Variants in FHDC1 observed in about 807,000 individuals in gnomAD.
FHDC1 encodes the protein FH2 domain-containing protein 1.
Under a neutral mutation model 52.6 loss-of-function variants are expected in FHDC1, and 25 were observed. That is an observed-to-expected ratio of 0.48 (90% CI 0.35 to 0.66). The LOEUF (loss-of-function observed/expected upper bound fraction) is 0.66. Ranked by LOEUF, FHDC1 falls within the 30% of genes least tolerant of loss-of-function variation. The probability of loss-of-function intolerance (pLI) is 0.01; values close to 1 mark genes in which losing one functional copy is unlikely to be tolerated. For synonymous variants in FHDC1, 616 were observed against 581.5 expected, an observed-to-expected ratio of 1.06 and a Z score of -0.85; for missense variants, 1,459 against 1,452.8, an observed-to-expected ratio of 1.00 and a Z score of -0.07.
chr4:152,920,240 C>G, the FHDC1 span, among the ~76,000 whole-genome samples: 2 of 151,980 alleles, frequency 1.3e-5, no homozygotes, highest in Admixed American at 6.6e-5. Context: ...AGCCACTGCA[C>G]CTGGCCTGGG....
Position 152,976,940 on chromosome 4 carries a change from T to G in FHDC1, c.*217T>G. 2.2e-6 allele frequency: 1 copy of G among 462,124 alleles called. No individual in the cohort carries two copies. Among genetic ancestry groups the G allele is most frequent in the East Asian group, 3.4e-5 (1 of 28,988 alleles). The allele number at this position is 462,124 out of a possible 1,614,324, so 28.6% of individuals were successfully genotyped here. On this transcript the variant is annotated 3_prime_UTR_variant, in exon 12 of 12. Coordinates refer to ENST00000511601, the MANE Select transcript of FHDC1 (RefSeq NM_001371116.1). Reference sequence around the variant, plus strand: ...AGTCCAGCGTCCAGATGGATGCACGTTCACTACTGTGACGGCCGCACCTCC... The same window carrying G: ...AGTCCAGCGTCCAGATGGATGCACGGTCACTACTGTGACGGCCGCACCTCC...
rs761723036 is a variant in FHDC1 at position 152,975,019 on chromosome 4, C to G, written c.1728C>G (p.Pro576=). 6.2e-6 allele frequency: 10 copies of G among 1,612,662 alleles called. No homozygotes were observed. The Admixed American group carries it at 1.7e-4, about 27-fold the overall frequency. Residue 576 remains proline (P), a synonymous_variant, in exon 12 of 12, where the codon CCC becomes CCG. Coordinates refer to ENST00000511601, the MANE Select transcript of FHDC1 (RefSeq NM_001371116.1). ...NKFHSLPRSS[P]RQARPTIACL... ...TCCACAGCCTGCCCCGGAGCAGCCC[C>G]CGGCAGGCCCGGCCCACGATAGCCT...
At chr4:152,943,637 G>T (rs904513577) in intron 2 of FHDC1, 82 bp downstream of exon 2, 4 of 1,448,226 alleles carry the variant, frequency 2.8e-6, no homozygotes, top group Non-Finnish European at 2.8e-6. Flanking sequence ...TCAAATAATT[G>T]CTAGACACCC....
At chr4:152,974,144 A>G (rs1461845088) in intron 11 of FHDC1, among the ~76,000 whole-genome samples, 2 of 152,238 alleles carry the variant, frequency 1.3e-5, no homozygotes. Flanking sequence ...AGAATGTGCT[A>G]CACATGAATG....
chr4:152,924,430 A>G, the FHDC1 span, among the ~76,000 whole-genome samples: 1 of 152,176 alleles, frequency 6.6e-6, no homozygotes. Context: ...AACTAGTTCA[A>G]CCCTTGTGGA....
At chr4:152,942,555 T>A (rs1739603358) in intron 1 of FHDC1, among the ~76,000 whole-genome samples, 1 of 152,204 alleles carries the variant, frequency 6.6e-6, no homozygotes, top group African/African-American at 2.4e-5. Flanking sequence ...CTCCAGCAGT[T>A]TGGGCAGTTT....
chr4:152,962,712 C>A, intron 6 of FHDC1, 102 bp from the exon 7 acceptor site: 1 of 884,644 alleles, frequency 1.1e-6, no homozygotes, highest in Non-Finnish European at 1.9e-6. Flanking sequence ...TTTAAGGTCA[C>A]AGTTTGCTTC....
At position 152,943,411 on chromosome 4, in the gene FHDC1, C is replaced by T. The variant is rs1211739876; in HGVS notation, c.354C>T (p.Thr118=). ...EQVRGKTNIW[T]LAARQEHHYQ... is the part of the protein sequence containing the mutation. Reference sequence around the variant, plus strand: ...TTCGAGGCAAAACCAACATCTGGACCTTGGCAGCCAGGCAGGAACATCACT... The same window carrying T: ...TTCGAGGCAAAACCAACATCTGGACTTTGGCAGCCAGGCAGGAACATCACT... Residue 118 remains threonine, a synonymous_variant, in exon 2 of 12, where the codon ACC becomes ACT. Transcript: ENST00000511601. 6 of 1,614,008 alleles carry T rather than the reference C, an allele frequency of 3.7e-6. No individual in the cohort carries two copies. In the Admixed American group the frequency reaches 6.7e-5, roughly 18 times the overall value.
rs914028639 is a variant in FHDC1, at chr4:152,975,759, A to C, written c.2468A>C (p.Asn823Thr). ...ATGGGGGACAGCCAAGTCTCCTCCA[A>C]CCCTACATCCAGCCCCCCTGGGGAG... ...GEMGDSQVSS[N>T]PTSSPPGEAP... The change falls in exon 12 of 12, where the codon AAC becomes ACC. Residue 823 changes from asparagine to threonine, a missense_variant. Coordinates refer to ENST00000511601, the MANE Select transcript of FHDC1 (RefSeq NM_001371116.1). The C allele has an allele frequency of 3.2e-6, 5 of 1,571,474 alleles. 1 individual carries two copies. Among genetic ancestry groups the C allele is most frequent in the Non-Finnish European group, 4.3e-6 (5 of 1,156,772 alleles).
At position 152,972,401 on chromosome 4, in the gene FHDC1, C is replaced by G; in HGVS notation, c.1243C>G (p.Leu415Val). Reference protein sequence around the residue: ...LQFAIEKLRELECWKQELQDE... With the variant: ...LQFAIEKLREVECWKQELQDE... Reference sequence around the variant, plus strand: ...GTTTGCCATAGAAAAGCTGAGGGAACTGGAATGCTGGAAACAAGAGCTCCA... The same window carrying G: ...GTTTGCCATAGAAAAGCTGAGGGAAGTGGAATGCTGGAAACAAGAGCTCCA... The change falls in exon 11 of 12, where the codon CTG becomes GTG. Residue 415 changes from leucine to valine, a missense_variant. Physicochemically the swap from Leu to Val is conservative, Grantham distance 32. Transcript: ENST00000511601. 6.2e-7 allele frequency: 1 copy of G among 1,602,692 alleles called. No homozygotes were observed. The highest frequency in any genetic ancestry group is 8.5e-7 in the Non-Finnish European group (1 of 1,177,264).
chr4:152,933,264 T>C (rs906272773), upstream of FHDC1, among the ~76,000 whole-genome samples: 1 of 152,178 alleles, frequency 6.6e-6, no homozygotes, highest in Non-Finnish European at 1.5e-5. Context: ...TAAAGGCTGG[T>C]TGGCACATTT....
chr4:152,966,966 A>T (rs1273992900), intron 9 of FHDC1, among the ~76,000 whole-genome samples: 1 of 152,112 alleles, frequency 6.6e-6, no homozygotes, highest in African/African-American at 2.4e-5. Context: ...CAAAAAATTT[A>T]AAAATTAGCT....
chr4:152,941,981 T>A (rs1169302442), intron 1 of FHDC1, among the ~76,000 whole-genome samples: 1 of 152,114 alleles, frequency 6.6e-6, no homozygotes, highest in Non-Finnish European at 1.5e-5. Flanking sequence ...AGTTTTGACC[T>A]CTCTTTCACA....
the FHDC1 span, among the ~76,000 whole-genome samples, chr4:152,923,017 G>A: frequency 6.6e-6 from 1 of 152,076 alleles, no homozygotes; most frequent in Admixed American, 6.5e-5. Flanking sequence ...GGGCAATTAG[G>A]CAGGAGAAGG....
chr4:152,975,383 C>T lies in FHDC1; in HGVS notation c.2092C>T (p.Leu698=), dbSNP rs1561216457. 6.2e-7 allele frequency: 1 copy of T among 1,613,716 alleles called. No homozygotes were observed. The highest frequency in any genetic ancestry group is 1.7e-5 in the Admixed American group (1 of 60,036). ...CATGGAGGAGACCTCCCAGCTGACT[C>T]TGAGTGACTTCAGCCCGATGGAGCT... The part of the protein sequence containing the change: ...QGMEETSQLT[L]SDFSPMELES... Residue 698 remains leucine (L), a synonymous_variant, in exon 12 of 12, where the codon CTG becomes TTG. Transcript: ENST00000511601.
the FHDC1 span, among the ~76,000 whole-genome samples, chr4:152,927,180 T>C: frequency 1.2e-3 from 186 of 152,394 alleles, no homozygotes; most frequent in African/African-American, 4.2e-3. Context: ...AAGGAAACTT[T>C]AGATCTCGAC....
Position 152,974,694 on chromosome 4 carries a change from C to T in FHDC1, c.1403C>T (p.Ala468Val), listed in dbSNP as rs755581114. 3.6e-5 allele frequency: 55 copies of T among 1,511,286 alleles called. No individual in the cohort carries two copies. In the South Asian group the frequency reaches 4.8e-4, roughly 13 times the overall value. 93.6% of individuals were successfully genotyped at this position (1,511,286 alleles called of 1,614,324 possible). A position where few individuals can be genotyped will look rare whatever the true frequency, so the allele number is the denominator to read the frequency against. The change falls in exon 12 of 12, where the codon GCG becomes GTG. Residue 468 changes from alanine (A) to valine (V), a missense_variant. This residue lies in a region of FHDC1 where 513 missense variants were observed against 581.5 expected (regional missense o/e 0.88). Transcript: ENST00000511601. ...CCTCAGGACAACCACGACCGGGAGG[C>T]GCAGGAGCTGAGGCAGCTGCAGAGG... Reference protein sequence around the residue: ...KAVKDNHDREAQELRQLQRLK... With the variant: ...KAVKDNHDREVQELRQLQRLK...
Position 152,960,573 on chromosome 4 carries a change from G to A in FHDC1, c.672G>A (p.Lys224=). 2 of 1,614,020 alleles carry A rather than the reference G, an allele frequency of 1.2e-6. No homozygotes were observed. Among genetic ancestry groups the A allele is most frequent in the Non-Finnish European group, 1.7e-6 (2 of 1,179,952 alleles). The part of the protein sequence containing the change: ...KFLPESEEVK[K]LKAFSGDVSK... ...TTCCATTTGTCTTTTAGGTAAAGAA[G>A]TTAAAAGCGTTTAGTGGCGACGTGT... Residue 224 remains lysine (K), a synonymous_variant, in exon 5 of 12, where the codon AAG becomes AAA. Transcript: ENST00000511601.
At chr4:152,937,940 G>A (rs1045781558) in intron 1 of FHDC1, among the ~76,000 whole-genome samples, 14 of 152,246 alleles carry the variant, frequency 9.2e-5, no homozygotes, top group Non-Finnish European at 1.8e-4. Context: ...AGGAGGCTGC[G>A]GACAGCTGTC....
Sources: gnomAD v4.1 joint callset for allele counts (sites outside exome capture counted in the v4.1 genomes callset) on GRCh38, gnomAD v4.1.1 for gene constraint, gnomAD v4.1.1 regional missense constraint, MANE v1.5 for transcripts, NCBI Gene and HGNC (gene_info 2026-07-23, HGNC 2026-07-21) for gene names.